RGS7: variants seen among roughly 807,000 people sequenced by gnomAD.
The protein encoded by RGS7 is regulator of G-protein signaling 7.
A neutral mutation model predicts 81.1 loss-of-function variants in RGS7; 27 were observed. The ratio of observed to expected loss-of-function variants is 0.33; its 90% CI spans 0.25 to 0.46. The LOEUF (loss-of-function observed/expected upper bound fraction) is 0.46. Among genes scored for constraint, RGS7 ranks in the 20% least tolerant of loss-of-function variants. RGS7 has a pLI of 1.00. For synonymous variants in RGS7, 208 were observed against 207.7 expected (o/e 1.00, Z -0.01); for missense variants, 396 against 607.4 (o/e 0.65, Z 3.66).
intron 6 of RGS7, among the ~76,000 whole-genome samples, chr1:240,873,020 A>T (rs1664767347): frequency 6.6e-6 from 1 of 152,108 alleles, no homozygotes; most frequent in Non-Finnish European, 1.5e-5. Context: ...CAGAGGTTGC[A>T]GTGAGCCAAG....
In RGS7 at chr1:240,842,199, A is replaced by ATTTTTT. The variant is rs568381066; in HGVS notation, c.610-15033_610-15028dup. 3.2e-3 allele frequency among the ~76,000 whole-genome samples: 252 copies of ATTTTTT among 78,702 alleles called. 50 individuals carry two copies. The highest frequency in any genetic ancestry group is 0.014 in the East Asian group (36 of 2,592). 51.6% of individuals were successfully genotyped at this position (78,702 alleles called of 152,430 possible). A position where few individuals can be genotyped will look rare whatever the true frequency, so the allele number is the denominator to read the frequency against. Reference sequence around the variant, plus strand: ...TGATTTCAGATTATGTTTGTCAGGAATTTTTTTTTTTTTTTTTGAGACAGA... The same window carrying ATTTTTT: ...TGATTTCAGATTATGTTTGTCAGGAATTTTTTTTTTTTTTTTTTTTTTTGAGACAGA... On this transcript the variant is annotated intron_variant, in intron 9 of 18. Coordinates refer to ENST00000440928, the MANE Select transcript of RGS7 (RefSeq NM_001364886.1).
intron 10 of RGS7, among the ~76,000 whole-genome samples, chr1:240,822,241 T>G (rs1306363865): frequency 6.6e-6 from 1 of 152,150 alleles, no homozygotes; most frequent in Non-Finnish European, 1.5e-5. Flanking sequence ...TGTTTGTTGT[T>G]TTGAAGAACA....
At chr1:241,062,201 T>G (rs1407773237) in intron 3 of RGS7, among the ~76,000 whole-genome samples, 1 of 152,202 alleles carries the variant, frequency 6.6e-6, no homozygotes, top group Non-Finnish European at 1.5e-5. Context: ...CATTGTGTAT[T>G]CATAAATATT....
intron 3 of RGS7, among the ~76,000 whole-genome samples, chr1:241,063,849 A>G (rs2061881360): frequency 6.6e-6 from 1 of 152,192 alleles, no homozygotes; most frequent in Admixed American, 6.5e-5. Context: ...TGAAGAATGT[A>G]GAGGATCTTG....
intron 3 of RGS7, among the ~76,000 whole-genome samples, chr1:241,034,093 A>G (rs577235255): frequency 6.6e-6 from 1 of 152,232 alleles, no homozygotes; most frequent in African/African-American, 2.4e-5. Flanking sequence ...ACAAATATTG[A>G]ATATTGGCTG....
chr1:241,010,571 C>T (rs1464379907), intron 3 of RGS7, among the ~76,000 whole-genome samples: 3 of 152,156 alleles, frequency 2.0e-5, no homozygotes, highest in African/African-American at 7.2e-5. Flanking sequence ...TTTTGGGATA[C>T]TTTATTTTGC....
chr1:240,778,250 A>C, intron 18 of RGS7, among the ~76,000 whole-genome samples: 1 of 152,144 alleles, frequency 6.6e-6, no homozygotes, highest in Non-Finnish European at 1.5e-5. Flanking sequence ...ATCACCCTTG[A>C]GATTAGGATT....
At chr1:241,190,099 C>T (rs1413133535) in intron 2 of RGS7, among the ~76,000 whole-genome samples, 3 of 151,454 alleles carry the variant, frequency 2.0e-5, no homozygotes, top group Admixed American at 2.0e-4. Context: ...CAGACTCCGT[C>T]TCAAAAAAAA....
chr1:241,167,177 A>G (rs2070327901), intron 2 of RGS7, among the ~76,000 whole-genome samples: 1 of 152,216 alleles, frequency 6.6e-6, no homozygotes, highest in Admixed American at 6.5e-5. Flanking sequence ...TTCAGTTCAG[A>G]TGCAGTAACT....
At chr1:240,956,480 T>G (rs1680449898) in intron 4 of RGS7, among the ~76,000 whole-genome samples, 1 of 152,084 alleles carries the variant, frequency 6.6e-6, no homozygotes, top group South Asian at 2.1e-4. Context: ...TTCCAAATAA[T>G]TTACGTAGAT....
At chr1:241,312,312 A>G (rs543213498) in intron 2 of RGS7, among the ~76,000 whole-genome samples, 10 of 152,348 alleles carry the variant, frequency 6.6e-5, no homozygotes, top group African/African-American at 2.4e-4. Context: ...GCACATTGAT[A>G]CATATACAGG....
intron 3 of RGS7, among the ~76,000 whole-genome samples, chr1:241,052,256 TAGAAGGCATTAC>T (rs2061289883): frequency 6.6e-6 from 1 of 152,054 alleles, no homozygotes; most frequent in African/African-American, 2.4e-5. Context: ...AGTGCTATGG[TAGAAGGCATTAC>T]AGAAGCCCAG....
At chr1:240,842,668 G>C (rs1425484231) in intron 9 of RGS7, among the ~76,000 whole-genome samples, 1 of 152,094 alleles carries the variant, frequency 6.6e-6, no homozygotes. Context: ...GGAGGCAAGA[G>C]TGTAAAACTC....
intron 18 of RGS7, among the ~76,000 whole-genome samples, chr1:240,778,836 T>C (rs1683440721): frequency 6.6e-6 from 1 of 152,036 alleles, no homozygotes; most frequent in African/African-American, 2.4e-5. Context: ...CCGGCTGATA[T>C]CAAAGTTTAA....
intron 2 of RGS7, among the ~76,000 whole-genome samples, chr1:241,247,219 G>A (rs1427727825): frequency 1.3e-5 from 2 of 152,012 alleles, no homozygotes; most frequent in South Asian, 2.1e-4. Flanking sequence ...AAAGAATAAG[G>A]GTATCCTTGA....
chr1:240,992,498 C>T (rs987179458), intron 3 of RGS7, among the ~76,000 whole-genome samples: 4 of 152,000 alleles, frequency 2.6e-5, no homozygotes, highest in Middle Eastern at 3.4e-3. Context: ...AGCAAGACTC[C>T]GTCTCACAAA....
chr1:241,010,796 T>C (rs924167467), intron 3 of RGS7, among the ~76,000 whole-genome samples: 3 of 152,146 alleles, frequency 2.0e-5, no homozygotes, highest in African/African-American at 7.2e-5. Flanking sequence ...GCACCTACAA[T>C]GTCAACAGGG....
chr1:240,803,503 A>C (rs1015780189), intron 15 of RGS7, among the ~76,000 whole-genome samples: 1 of 152,156 alleles, frequency 6.6e-6, no homozygotes. Context: ...TTTGGGTCAG[A>C]GCACAAGTCC....
intron 6 of RGS7, among the ~76,000 whole-genome samples, chr1:240,878,489 C>CTTTTTTTTTTTTT (rs57896753): frequency 3.4e-4 from 40 of 117,514 alleles, no homozygotes; most frequent in Non-Finnish European, 5.0e-4. Context: ...TTTTTTCTTT[C>CTTTTTTTTTTTTT]TTTTTTTTTT....
Sources: allele counts gnomAD v4.1 joint callset (sites outside exome capture counted in the v4.1 genomes callset), GRCh38; gene constraint gnomAD v4.1.1; transcripts MANE v1.5; gene names NCBI Gene and HGNC (gene_info 2026-07-23, HGNC 2026-07-21).